Variants in NDST1 observed in about 807,000 individuals in gnomAD.
NDST1 encodes the protein N-deacetylase and N-sulfotransferase 1, also known as bifunctional heparan sulfate N-deacetylase/N-sulfotransferase 1.
Under a neutral mutation model 92.8 loss-of-function variants are expected in NDST1, and 35 were observed. That is an observed-to-expected ratio of 0.38 (90% CI 0.29 to 0.50). The LOEUF is 0.50. Ranked by LOEUF, NDST1 falls within the 20% of genes least tolerant of loss-of-function variation. NDST1 has a pLI of 0.94. For synonymous variants in NDST1, 493 were observed against 500.3 expected (o/e 0.99, Z 0.19); for missense variants, 822 against 1,182.7 (o/e 0.69, Z 4.47).
rs1402612994 is a variant in NDST1 at position 150,553,407 on chromosome 5, A to T, written c.*75A>T. 3.8e-6 allele frequency: 6 copies of T among 1,580,086 alleles called. No individual in the cohort carries two copies. Among genetic ancestry groups the T allele is most frequent in the Admixed American group, 1.7e-5 (1 of 59,242 alleles). On this transcript the variant is annotated 3_prime_UTR_variant, in exon 15 of 15. Coordinates refer to ENST00000261797, the MANE Select transcript of NDST1 (RefSeq NM_001543.5). This position sits in a 1 kb window ranked among gnomAD's most constrained non-coding sequence, Gnocchi z 4.2. ...ACCACACGCTGAGCCAGACCTGCAG[A>T]GTGGGAAGCTGGACCAGGGCAGCTG...
intron 1 of NDST1, among the ~76,000 whole-genome samples, chr5:150,510,383 A>G (rs1561588416): frequency 6.6e-6 from 1 of 152,232 alleles, no homozygotes; most frequent in Non-Finnish European, 1.5e-5. Context: ...TGTCATAGGC[A>G]GATTTGGGGA....
chr5:150,523,419 A>G (rs1754327871), intron 2 of NDST1, among the ~76,000 whole-genome samples: 1 of 152,218 alleles, frequency 6.6e-6, no homozygotes, highest in Admixed American at 6.5e-5. Context: ...TGCACCGTCT[A>G]CATGCGTTGT....
At chr5:150,531,320 G>T (rs963307755) in intron 3 of NDST1, among the ~76,000 whole-genome samples, 1 of 152,090 alleles carries the variant, frequency 6.6e-6, no homozygotes, top group African/African-American at 2.4e-5. Flanking sequence ...GGGCACTGAG[G>T]CTCAGGGAGT....
At chr5:150,539,424 C>T (rs1396768107) in intron 7 of NDST1, 68 bp downstream of exon 7, 4 of 1,610,526 alleles carry the variant, frequency 2.5e-6, no homozygotes, top group Non-Finnish European at 2.5e-6. Context: ...GCAGCTGACA[C>T]AGGCTTCCTG....
chr5:150,548,532 TTTA>T (rs376227270), intron 12 of NDST1, 144 bp downstream of exon 12: 894 of 824,476 alleles, frequency 1.1e-3, no homozygotes, highest in East Asian at 1.4e-3. Flanking sequence ...ATAAAAAGAT[TTTA>T]TTATTATTAT....
chr5:150,500,224 C>T (rs1400743665), intron 1 of NDST1, among the ~76,000 whole-genome samples: 1 of 152,214 alleles, frequency 6.6e-6, no homozygotes, highest in Non-Finnish European at 1.5e-5. Context: ...CTGCCCCCAC[C>T]CGCTGCCTCC....
rs1755861892 is a variant in NDST1, at chr5:150,556,034, G to C, written c.*2702G>C. 6.6e-6 allele frequency: 1 copy of C among 152,384 alleles called. No homozygotes were observed. The highest frequency in any genetic ancestry group is 1.5e-5 in the Non-Finnish European group (1 of 68,202). The allele number at this position is 152,384 out of a possible 1,614,324, so 9.4% of individuals were successfully genotyped here. A position where few individuals can be genotyped will look rare whatever the true frequency, so the allele number is the denominator to read the frequency against. On this transcript the variant is annotated 3_prime_UTR_variant, in exon 15 of 15. Transcript: ENST00000261797. ...AGAAGGAGAGGCAGATAAGCTGCCTGGGGGGCTGTTAGCTAATGGGTACAA... is the reference window on the plus strand; with the variant it reads ...AGAAGGAGAGGCAGATAAGCTGCCTCGGGGGCTGTTAGCTAATGGGTACAA...
At chr5:150,550,591 G>A (rs1054964743) in intron 13 of NDST1, 2 of 152,266 alleles carry the variant, frequency 1.3e-5, no homozygotes, top group Non-Finnish European at 2.9e-5. Context: ...ACACTCAGCT[G>A]GATGAGGGGA....
At position 150,534,939 on chromosome 5, in the gene NDST1, T is replaced by C; in HGVS notation, c.1169T>C (p.Met390Thr). ...AAGGAGTTCTGGTGGTTCCCCCACA[T>C]GTGGAGCCACATGCAGCCCCACCTT... The part of the protein sequence containing the change: ...YVKEFWWFPH[M>T]WSHMQPHLFH... The change falls in exon 5 of 15, where the codon ATG (methionine) becomes ACG (threonine). Residue 390 changes from methionine (M) to threonine (T), a missense_variant. By Grantham distance (81) the Met-to-Thr change is moderately conservative. Coordinates refer to ENST00000261797, the MANE Select transcript of NDST1 (RefSeq NM_001543.5). 1 of 1,614,248 alleles carries C rather than the reference T, an allele frequency of 6.2e-7. No individual in the cohort carries two copies. Among genetic ancestry groups the C allele is most frequent in the African/African-American group, 1.3e-5 (1 of 75,062 alleles).
chr5:150,542,007 A>G (rs980576239), intron 9 of NDST1, among the ~76,000 whole-genome samples: 2 of 152,208 alleles, frequency 1.3e-5, no homozygotes, highest in Admixed American at 6.5e-5. Context: ...ACTGTGATCA[A>G]TTAGCTATGT....
At chr5:150,498,946 C>G (rs1168262705) in intron 1 of NDST1, among the ~76,000 whole-genome samples, 1 of 152,160 alleles carries the variant, frequency 6.6e-6, no homozygotes, top group African/African-American at 2.4e-5. Flanking sequence ...ACAGGATGTT[C>G]CTGCCTATGG....
In NDST1 at chr5:150,542,985, T is replaced by C; in HGVS notation, c.1970+14T>C. The C allele has an allele frequency of 6.2e-7, 1 of 1,613,798 alleles. No homozygotes were observed. The highest frequency in any genetic ancestry group is 8.5e-7 in the Non-Finnish European group (1 of 1,179,722). On this transcript the variant is annotated intron_variant, in intron 10 of 14. Transcript: ENST00000261797. Reference sequence around the variant, plus strand: ...AGGCATCGACTGGTGAGTTGGCCTTTCTGTCCACAGCGGGACGGGAAGGCC... The same window carrying C: ...AGGCATCGACTGGTGAGTTGGCCTTCCTGTCCACAGCGGGACGGGAAGGCC...
rs773177368 is a variant in NDST1 at position 150,540,252 on chromosome 5, C to G, written c.1737C>G (p.Asp579Glu). 9 of 1,606,854 alleles carry G rather than the reference C, an allele frequency of 5.6e-6. No homozygotes were observed. Among genetic ancestry groups the G allele is most frequent in the Non-Finnish European group, 7.7e-6 (9 of 1,175,062 alleles). Residue 579 changes from aspartate to glutamate, a missense_variant, in exon 8 of 15, where the codon GAC becomes GAG. Coordinates refer to ENST00000261797, the MANE Select transcript of NDST1 (RefSeq NM_001543.5). ...TCCAGATCTTCTCCGAGGAGAAGGA[C>G]CCGCTCTGGCAGGTGGGGGGCTGGG... The part of the protein sequence containing the change: ...KYFQIFSEEK[D>E]PLWQDPCEDK...
At position 150,527,912 on chromosome 5, in the gene NDST1, T is replaced by C; in HGVS notation, c.622T>C (p.Tyr208His). 1 of 1,614,216 alleles carries C rather than the reference T, an allele frequency of 6.2e-7. No individual in the cohort carries two copies. The highest frequency in any genetic ancestry group is 1.1e-5 in the South Asian group (1 of 91,088). ...CATCAACCCCAAGTCCCCGCTGCTC[T>C]ACGTGACGCGACCTAGCGAGGTGGA... ...CSINPKSPLL[Y>H]VTRPSEVEKG... Residue 208 changes from tyrosine (Y) to histidine (H), a missense_variant, in exon 3 of 15, where the codon TAC becomes CAC. Tyr to His is a moderately conservative substitution (Grantham distance 83). Transcript: ENST00000261797.
intron 1 of NDST1, among the ~76,000 whole-genome samples, chr5:150,501,883 G>A (rs973098236): frequency 2.0e-5 from 3 of 152,214 alleles, no homozygotes; most frequent in Non-Finnish European, 2.9e-5. Context: ...GGTCAGGATG[G>A]TCCCTGGTGA....
chr5:150,537,604 A>G (rs1449762275), intron 6 of NDST1, among the ~76,000 whole-genome samples: 1 of 152,240 alleles, frequency 6.6e-6, no homozygotes, highest in Non-Finnish European at 1.5e-5. Context: ...GTTATCAATG[A>G]CAATGTGTGC....
Position 150,549,689 on chromosome 5 carries a change from G to C in NDST1, c.2328G>C (p.Leu776Phe). 1 of 1,613,108 alleles carries C rather than the reference G, an allele frequency of 6.2e-7. No individual in the cohort carries two copies. The highest frequency in any genetic ancestry group is 8.5e-7 in the Non-Finnish European group (1 of 1,179,138). The change falls in exon 13 of 15, where the codon TTG (leucine) becomes TTC (phenylalanine). Residue 776 changes from leucine to phenylalanine, a missense_variant. Coordinates refer to ENST00000261797, the MANE Select transcript of NDST1 (RefSeq NM_001543.5). Reference sequence around the variant, plus strand: ...TTCTCCCTTTCCAGATTCTGGTCTTGGATGGCAAACTGCTTCGCACAGAAC... The same window carrying C: ...TTCTCCCTTTCCAGATTCTGGTCTTCGATGGCAAACTGCTTCGCACAGAAC... Reference protein sequence around the residue: ...SAYHANQILVLDGKLLRTEPA... With the variant: ...SAYHANQILVFDGKLLRTEPA...
intron 3 of NDST1, among the ~76,000 whole-genome samples, chr5:150,529,150 GAGAAGCCA>G (rs575087929): frequency 6.6e-6 from 1 of 152,212 alleles, no homozygotes; most frequent in Admixed American, 6.5e-5. Flanking sequence ...CCAGCACTTT[GAGAAGCCA>G]AGGGAGGAGG....
intron 1 of NDST1, among the ~76,000 whole-genome samples, chr5:150,520,575 C>T (rs1232017090): frequency 6.6e-6 from 1 of 152,170 alleles, no homozygotes; most frequent in African/African-American, 2.4e-5. Context: ...AAAATAGCAA[C>T]TCCAATTTGT....
Sources: allele counts gnomAD v4.1 joint callset (sites outside exome capture counted in the v4.1 genomes callset), GRCh38; gene constraint gnomAD v4.1.1; non-coding constraint Gnocchi (gnomAD v3.1); transcripts MANE v1.5; gene names NCBI Gene and HGNC (gene_info 2026-07-23, HGNC 2026-07-21).